DCC: variants seen among roughly 807,000 people sequenced by gnomAD.
The protein encoded by DCC is netrin receptor DCC.
DCC carries 58 observed loss-of-function variants against 172.5 expected under a neutral mutation model. That is an observed-to-expected ratio of 0.34 (90% CI 0.27 to 0.42). The LOEUF is 0.42. Ranked by LOEUF, DCC falls within the 10% of genes least tolerant of loss-of-function variation. DCC has a pLI of 1.00. For missense variants in DCC, 1,740 were observed against 1,791.0 expected (o/e 0.97, Z 0.51); for synonymous variants, 709 against 644.5 (o/e 1.10, Z -1.52).
intron 1 of DCC, among the ~76,000 whole-genome samples, chr18:52,556,955 C>A (rs1450814946): frequency 6.6e-6 from 1 of 152,290 alleles, no homozygotes; most frequent in Non-Finnish European, 1.5e-5. Context: ...GGATACCAAG[C>A]AACCACAGTG....
rs187576582 is a variant in DCC at position 53,204,650 on chromosome 18, G to A, written c.1574-566G>A. Among the ~76,000 whole-genome samples the A allele has an allele frequency of 2.0e-5, 3 of 152,002 alleles. 1 individual carries two copies. Among genetic ancestry groups the A allele is most frequent in the Admixed American group, 2.0e-4 (3 of 15,250 alleles). ...TATCCTTCTTAAGTAACAATAATAAGAGAAAATGTAATACTAAAAAGTGGA... is the reference window on the plus strand; with the variant it reads ...TATCCTTCTTAAGTAACAATAATAAAAGAAAATGTAATACTAAAAAGTGGA... On this transcript the variant is annotated intron_variant, in intron 9 of 28. Coordinates refer to ENST00000442544, the MANE Select transcript of DCC (RefSeq NM_005215.4).
At chr18:52,829,955 A>T (rs577508093) in intron 2 of DCC, among the ~76,000 whole-genome samples, 1 of 152,286 alleles carries the variant, frequency 6.6e-6, no homozygotes. Context: ...ACCCACTGAG[A>T]AGATGACATT....
intron 21 of DCC, among the ~76,000 whole-genome samples, chr18:53,424,520 CATGTGTATGTTA>C: frequency 1.3e-5 from 2 of 152,256 alleles, no homozygotes; most frequent in South Asian, 4.1e-4. Context: ...GTACTGTCTA[CATGTGTATGTTA>C]CGGGATTTCA....
chr18:53,145,783 AAAG>A (rs1437200437), intron 7 of DCC, among the ~76,000 whole-genome samples: 1 of 152,202 alleles, frequency 6.6e-6, no homozygotes, highest in Non-Finnish European at 1.5e-5. Flanking sequence ...ATAAATAGAA[AAAG>A]AAGAAGTAAA....
chr18:53,042,967 G>A (rs1303610628), intron 5 of DCC, among the ~76,000 whole-genome samples: 1 of 151,838 alleles, frequency 6.6e-6, no homozygotes, highest in East Asian at 1.9e-4. Flanking sequence ...CCATTACTGG[G>A]CATATACCCA....
At chr18:52,907,241 C>CGTATATACATGATATGTCATGG (rs2039897364) in intron 3 of DCC, among the ~76,000 whole-genome samples, 1 of 102,656 alleles carries the variant, frequency 9.7e-6, no homozygotes, top group African/African-American at 3.6e-5. Flanking sequence ...TGATAGATAT[C>CGTATATACATGATATGTCATGG]ATATATACAT....
chr18:53,354,868 G>A (rs1343885194), intron 15 of DCC, among the ~76,000 whole-genome samples: 1 of 147,438 alleles, frequency 6.8e-6, no homozygotes. Flanking sequence ...TGTCCTGAAT[G>A]GTATTGCCTA....
chr18:53,181,262 TAGTCATG>T (rs1320797413), intron 9 of DCC, among the ~76,000 whole-genome samples: 1 of 152,220 alleles, frequency 6.6e-6, no homozygotes, highest in African/African-American at 2.4e-5. Context: ...CAGAGCTGAC[TAGTCATG>T]ATTACATTGC....
intron 13 of DCC, among the ~76,000 whole-genome samples, chr18:53,308,919 C>G (rs997363476): frequency 6.6e-6 from 1 of 152,310 alleles, no homozygotes; most frequent in East Asian, 1.9e-4. Context: ...CCACAAGTCT[C>G]TCCTAACTGC....
intron 5 of DCC, among the ~76,000 whole-genome samples, chr18:52,952,445 A>G (rs1338731630): frequency 4.6e-5 from 7 of 152,146 alleles, no homozygotes. Context: ...GAAGACCCCA[A>G]CTATTTTCTT....
chr18:52,997,514 C>CT (rs1828614674), intron 5 of DCC, among the ~76,000 whole-genome samples: 1 of 152,168 alleles, frequency 6.6e-6, no homozygotes, highest in African/African-American at 2.4e-5. Context: ...ACAGACTTGA[C>CT]TTATTAGCAG....
At chr18:52,970,264 A>T (rs1248372608) in intron 5 of DCC, among the ~76,000 whole-genome samples, 1 of 152,124 alleles carries the variant, frequency 6.6e-6, no homozygotes, top group Non-Finnish European at 1.5e-5. Context: ...GAATATATTA[A>T]AATACAATCC....
chr18:53,031,117 G>C (rs2042020283), intron 5 of DCC, among the ~76,000 whole-genome samples: 1 of 152,122 alleles, frequency 6.6e-6, no homozygotes, highest in African/African-American at 2.4e-5. Flanking sequence ...AAATTAGCCA[G>C]GTTTTGTGGT....
Position 52,870,537 on chromosome 18 carries a change from G to A in DCC, c.413-35507G>A, listed in dbSNP as rs377606279. The stretch of plus-strand genomic sequence containing the variant: ...TCTAAATAATACCAGCCATTATTCC[G>A]GAGGCCGTAGGATTCACAACTTCCC... On this transcript the variant is annotated intron_variant, in intron 2 of 28. Transcript: ENST00000442544. Among the ~76,000 whole-genome samples, 34 of 152,250 alleles carry A rather than the reference G, an allele frequency of 2.2e-4. No homozygotes were observed. The East Asian group carries it at 6.0e-3, about 27-fold the overall frequency.
intron 3 of DCC, among the ~76,000 whole-genome samples, chr18:52,912,956 A>C (rs568549702): frequency 2.6e-5 from 4 of 152,184 alleles, no homozygotes; most frequent in African/African-American, 9.6e-5. Context: ...GAAATATGAG[A>C]TTGTTCTATT....
At chr18:52,617,698 C>T (rs1349996841) in intron 1 of DCC, among the ~76,000 whole-genome samples, 1 of 151,990 alleles carries the variant, frequency 6.6e-6, no homozygotes, top group Non-Finnish European at 1.5e-5. Flanking sequence ...TTACCGTTCT[C>T]TTACTTTTTT....
chr18:53,527,129 G>A (rs945900528), intron 28 of DCC, among the ~76,000 whole-genome samples: 12 of 133,412 alleles, frequency 9.0e-5, no homozygotes, highest in Non-Finnish European at 1.9e-4. Context: ...GTGTGTGTGT[G>A]TGTGTGTTTC....
intron 2 of DCC, among the ~76,000 whole-genome samples, chr18:52,890,332 G>C (rs1568170559): frequency 6.6e-6 from 1 of 152,004 alleles, no homozygotes; most frequent in Non-Finnish European, 1.5e-5. Context: ...AGCTGGTGAG[G>C]TATACAGGAA....
chr18:52,898,280 A>T (rs2039761389), intron 2 of DCC, among the ~76,000 whole-genome samples: 1 of 152,198 alleles, frequency 6.6e-6, no homozygotes, highest in Non-Finnish European at 1.5e-5. Flanking sequence ...GAAGATGTGG[A>T]TCCTGATAGT....
Sources: allele counts gnomAD v4.1 joint callset (sites outside exome capture counted in the v4.1 genomes callset), GRCh38; gene constraint gnomAD v4.1.1; transcripts MANE v1.5; gene names NCBI Gene and HGNC (gene_info 2026-07-23, HGNC 2026-07-21).